The following BRME1 variants were observed in gnomAD, a reference collection of about 807,000 sequenced individuals.
BRME1 encodes break repair meiotic recombinase recruitment factor 1.
In BRME1, 31 loss-of-function variants were observed where a neutral mutation model predicts 52.6. The ratio of observed to expected loss-of-function variants is 0.59; its 90% CI spans 0.44 to 0.80. The LOEUF (loss-of-function observed/expected upper bound fraction) is 0.80, where lower values mean the gene tolerates loss of function less well. Ranked by LOEUF, BRME1 falls within the 30% of genes least tolerant of loss-of-function variation. The pLI, the probability that BRME1 is intolerant of heterozygous loss-of-function variation, is 0.00. For missense variants in BRME1, 804 were observed against 860.3 expected (o/e 0.93, Z 0.82); for synonymous variants, 359 against 353.6 (o/e 1.02, Z -0.17).
At chr19:13,904,730 G>A (rs554083941) in intron 2 of BRME1, 132 bp downstream of exon 2, 22 of 944,570 alleles carry the variant, frequency 2.3e-5, no homozygotes, top group Middle Eastern at 2.2e-4. Flanking sequence ...GTGAGCCACC[G>A]CACCCGGCCA....
In BRME1 at chr19:13,895,105, G is replaced by A. The variant is rs142320500; in HGVS notation, c.206+267C>T. Among the ~76,000 whole-genome samples, 1,207 of 151,904 alleles carry A rather than the reference G, an allele frequency of 7.9e-3. 22 individuals are homozygous for A. The highest frequency in any genetic ancestry group is 0.027 in the African/African-American group (1,127 of 41,482). The stretch of plus-strand genomic sequence containing the variant: ...TGTTGGCCAGTCTTGTCTCAAACTC[G>A]TGACCTCAAGTGATCTTCCCCCCTC... On this transcript the variant is annotated intron_variant, in intron 3 of 8. Coordinates refer to ENST00000586783, the MANE Select transcript of BRME1 (RefSeq NM_001345843.2).
intron 1 of BRME1, among the ~76,000 whole-genome samples, chr19:13,905,147 C>T (rs892450393): frequency 6.6e-6 from 1 of 152,002 alleles, no homozygotes; most frequent in Non-Finnish European, 1.5e-5. Flanking sequence ...ATGCCCAGGA[C>T]CTGAAAGACA....
At chr19:13,902,059 A>G (rs1457254246) in intron 2 of BRME1, among the ~76,000 whole-genome samples, 3 of 151,438 alleles carry the variant, frequency 2.0e-5, no homozygotes, top group Non-Finnish European at 4.4e-5. Flanking sequence ...GAAAAAAAAA[A>G]AAGCTGGGTA....
intron 2 of BRME1, among the ~76,000 whole-genome samples, chr19:13,900,735 G>A (rs1970239500): frequency 6.6e-6 from 1 of 151,856 alleles, no homozygotes; most frequent in East Asian, 1.9e-4. Context: ...CGCCCAGGCT[G>A]GAGTGCAGTG....
Position 13,882,819 on chromosome 19 carries a change from G to A in BRME1, c.1990C>T (p.Pro664Ser). 6.2e-7 allele frequency: 1 copy of A among 1,613,980 alleles called. No individual in the cohort carries two copies. The highest frequency in any genetic ancestry group is 1.3e-5 in the African/African-American group (1 of 75,044). Residue 664 changes from proline to serine, a missense_variant, in exon 9 of 9, where the codon CCC (proline) becomes TCC (serine). Coordinates refer to ENST00000586783, the MANE Select transcript of BRME1 (RefSeq NM_001345843.2). ...AAAGTGGCCTACAACTCCCTCCAGG[G>A]TGGGTCCCCTCGAGGGATATTCCCA... ...GPGNIPRGDPPWREL is the reference protein window; with the variant it reads ...GPGNIPRGDPSWREL
At chr19:13,902,912 C>G (rs1056733279) in intron 2 of BRME1, among the ~76,000 whole-genome samples, 4 of 146,346 alleles carry the variant, frequency 2.7e-5, no homozygotes, top group South Asian at 2.1e-4. Flanking sequence ...GCAACAAGAG[C>G]GAAACTCCGT....
At chr19:13,884,054 C>CTT (rs1968827754) in intron 7 of BRME1, among the ~76,000 whole-genome samples, 1 of 152,104 alleles carries the variant, frequency 6.6e-6, no homozygotes, top group Non-Finnish European at 1.5e-5. Flanking sequence ...CAGGGCAGTG[C>CTT]TAGAAAGGCC....
chr19:13,883,261 C>T lies in BRME1; in HGVS notation c.1856+47G>A, dbSNP rs890526064. The T allele has an allele frequency of 6.8e-7, 1 of 1,477,166 alleles. No homozygotes were observed. Among genetic ancestry groups the T allele is most frequent in the East Asian group, 2.5e-5 (1 of 40,052 alleles). 91.5% of individuals were successfully genotyped at this position (1,477,166 alleles called of 1,614,324 possible). A position where few individuals can be genotyped will look rare whatever the true frequency, so the allele number is the denominator to read the frequency against. ...CCCTCCCTGCTCCTCTGAGTCCCCA[C>T]TGGCCTCCCGCAGACCCTGTGCCGT... is the stretch of plus-strand genomic sequence containing the variant. On this transcript the variant is annotated intron_variant, in intron 8 of 8. Coordinates refer to ENST00000586783, the MANE Select transcript of BRME1 (RefSeq NM_001345843.2). The surrounding 1 kb of genome is among the most constrained non-coding windows in gnomAD (Gnocchi z 4.2).
intron 6 of BRME1, among the ~76,000 whole-genome samples, 167 bp downstream of exon 6, chr19:13,889,021 C>G (rs1453125221): frequency 6.6e-6 from 1 of 152,052 alleles, no homozygotes; most frequent in African/African-American, 2.4e-5. Flanking sequence ...ACCACCGACT[C>G]CACACCCAGT....
chr19:13,895,566 A>C lies in BRME1; in HGVS notation c.32-20T>G. On this transcript the variant is annotated intron_variant, in intron 2 of 8. Coordinates refer to ENST00000586783, the MANE Select transcript of BRME1 (RefSeq NM_001345843.2). ...CCTCTCCTGTTTTAGAGACAGAGGA[A>C]GATGAAGGGGTGGGGGATACAGCCA... 6.2e-7 allele frequency: 1 copy of C among 1,603,090 alleles called. No individual in the cohort carries two copies. The highest frequency in any genetic ancestry group is 8.5e-7 in the Non-Finnish European group (1 of 1,173,312).
chr19:13,901,963 C>G (rs1479704208), intron 2 of BRME1, among the ~76,000 whole-genome samples: 1 of 151,598 alleles, frequency 6.6e-6, no homozygotes, highest in East Asian at 1.9e-4. Flanking sequence ...TCACCTGAGC[C>G]TGGGGAGGTC....
chr19:13,903,581 C>CAAG, intron 2 of BRME1, among the ~76,000 whole-genome samples: 1 of 137,264 alleles, frequency 7.3e-6, no homozygotes, highest in Non-Finnish European at 1.5e-5. Context: ...GCTGAGGCTG[C>CAAG]AGAATCGCTT....
intron 2 of BRME1, among the ~76,000 whole-genome samples, chr19:13,899,025 C>T (rs954408918): frequency 1.3e-5 from 2 of 151,916 alleles, no homozygotes; most frequent in African/African-American, 4.8e-5. Flanking sequence ...TGAAGTAAAC[C>T]TACTGAATGA....
At position 13,889,891 on chromosome 19, in the gene BRME1, C is replaced by A. The variant is rs1381841623; in HGVS notation, c.965G>T (p.Gly322Val). Residue 322 changes from glycine to valine, a missense_variant, in exon 6 of 9, where the codon GGG becomes GTG. Around this residue, in one of 3 missense-constraint regions of BRME1, gnomAD observed 552 missense variants for 561.1 expected, o/e 0.98. Coordinates refer to ENST00000586783, the MANE Select transcript of BRME1 (RefSeq NM_001345843.2). ...TCCCAGGCTGCTATGAGTCCCTTCC[C>A]CTTCCCTACCCATCCTGCTGGGGGT... Reference protein sequence around the residue: ...QQTPSRMGREGEGTHSSLGCS... With the variant: ...QQTPSRMGREVEGTHSSLGCS... 1 of 1,613,170 alleles carries A rather than the reference C, an allele frequency of 6.2e-7. No homozygotes were observed. The highest frequency in any genetic ancestry group is 8.5e-7 in the Non-Finnish European group (1 of 1,179,974).
At chr19:13,904,464 CAG>C (rs1412923873) in intron 2 of BRME1, among the ~76,000 whole-genome samples, 1 of 151,516 alleles carries the variant, frequency 6.6e-6, no homozygotes, top group Non-Finnish European at 1.5e-5. Flanking sequence ...TTTTTTGAGA[CAG>C]AGTCTTGCTC....
rs199786719 is a variant in BRME1 at position 13,889,159 on chromosome 19, G to T, written c.1668+29C>A. On this transcript the variant is annotated intron_variant, in intron 6 of 8. Coordinates refer to ENST00000586783, the MANE Select transcript of BRME1 (RefSeq NM_001345843.2). ...GAGGTTGGGTGCCTGCCCTGGGCAGGTATGTCTGTCACTCAGGGCAGCTCT... is the reference window on the plus strand; with the variant it reads ...GAGGTTGGGTGCCTGCCCTGGGCAGTTATGTCTGTCACTCAGGGCAGCTCT... 1.4e-4 allele frequency: 212 copies of T among 1,526,384 alleles called. 3 individuals are homozygous for T. In the South Asian group the frequency reaches 2.6e-3, roughly 19 times the overall value. The allele number at this position is 1,526,384 out of a possible 1,614,324, so 94.6% of individuals were successfully genotyped here.
Position 13,890,241 on chromosome 19 carries a change from C to T in BRME1, c.615G>A (p.Gln205=). The T allele has an allele frequency of 3.7e-6, 6 of 1,614,154 alleles. No homozygotes were observed. Among genetic ancestry groups the T allele is most frequent in the Non-Finnish European group, 5.1e-6 (6 of 1,180,000 alleles). Residue 205 remains glutamine, a synonymous_variant, in exon 6 of 9, where the codon CAG becomes CAA. Transcript: ENST00000586783. ...PDRGTGLSAS[Q]RASQDHLSEQ... ...CTGACAGGTGGTCTTGGCTGGCCCT[C>T]TGTGAGGCGGACAACCCCGTCCCCC...
Position 13,895,452 on chromosome 19 carries a change from G to C in BRME1, c.126C>G (p.His42Gln), listed in dbSNP as rs943643908. 1 of 1,614,000 alleles carries C rather than the reference G, an allele frequency of 6.2e-7. No homozygotes were observed. The highest frequency in any genetic ancestry group is 1.7e-5 in the Admixed American group (1 of 59,982). ...PQSSMLGCLH[H>Q]PEEPEGKLGP... ...CCAATTTGCCCTCTGGCTCCTCAGG[G>C]TGATGTAAACAGCCCAACATGGAAC... The change falls in exon 3 of 9, where the codon CAC becomes CAG. Residue 42 changes from histidine to glutamine, a missense_variant. Transcript: ENST00000586783.
rs1968709200 is a variant in BRME1, at chr19:13,882,614, C to G, written c.*188G>C. On this transcript the variant is annotated 3_prime_UTR_variant, in exon 9 of 9. Coordinates refer to ENST00000586783, the MANE Select transcript of BRME1 (RefSeq NM_001345843.2). ...TTTCCCTCCCTGAAGCCAAGGGTGG[C>G]AAATGACCTTGACCCTGGCCAGGTG... The G allele has an allele frequency of 1.5e-6, 1 of 684,632 alleles. No individual in the cohort carries two copies. Among genetic ancestry groups the G allele is most frequent in the Non-Finnish European group, 2.4e-6 (1 of 412,626 alleles). The allele number at this position is 684,632 out of a possible 1,614,324, so 42.4% of individuals were successfully genotyped here.
Sources: allele counts gnomAD v4.1 joint callset (sites outside exome capture counted in the v4.1 genomes callset), GRCh38; gene constraint gnomAD v4.1.1; regional missense constraint gnomAD v4.1.1; non-coding constraint Gnocchi (gnomAD v3.1); transcripts MANE v1.5; gene names NCBI Gene and HGNC (gene_info 2026-07-23, HGNC 2026-07-21).